Variants in CTNNA2 observed in about 807,000 individuals in gnomAD.
CTNNA2 encodes catenin alpha-2.
In CTNNA2, 42 loss-of-function variants were observed where a neutral mutation model predicts 101.0. The observed-to-expected ratio is 0.42, with a 90% CI of 0.32 to 0.54. The LOEUF (loss-of-function observed/expected upper bound fraction) is 0.54. CTNNA2 is among the 20% of genes least tolerant of loss of function. The pLI is 0.14. For missense variants in CTNNA2, 871 were observed against 1,223.1 expected, an observed-to-expected ratio of 0.71 and a Z score of 4.29; for synonymous variants, 450 against 456.4, an observed-to-expected ratio of 0.99 and a Z score of 0.18.
chr2:79,998,780 A>G (rs1197111205), intron 7 of CTNNA2, among the ~76,000 whole-genome samples: 3 of 152,284 alleles, frequency 2.0e-5, no homozygotes, highest in Middle Eastern at 3.4e-3. Context: ...ATTTATGCCT[A>G]TGGCCTTCTA....
At chr2:79,873,419 A>G (rs561904106) in intron 5 of CTNNA2, among the ~76,000 whole-genome samples, 3 of 152,222 alleles carry the variant, frequency 2.0e-5, no homozygotes, top group African/African-American at 4.8e-5. Context: ...ACGTTATAGA[A>G]GAGAAATATA....
At chr2:79,277,022 G>A (rs773423328) in intron 2 of CTNNA2, among the ~76,000 whole-genome samples, 1 of 152,000 alleles carries the variant, frequency 6.6e-6, no homozygotes, top group Non-Finnish European at 1.5e-5. Flanking sequence ...CCCATCCACC[G>A]AGTTTTTTGC....
intron 2 of CTNNA2, among the ~76,000 whole-genome samples, chr2:79,274,911 T>G (rs1675173713): frequency 6.6e-6 from 1 of 152,038 alleles, no homozygotes; most frequent in African/African-American, 2.4e-5. Context: ...AGCTGTTAAA[T>G]GCTCTTGAAT....
At chr2:79,882,524 GA>G (rs1683519598) in intron 6 of CTNNA2, among the ~76,000 whole-genome samples, 2 of 152,232 alleles carry the variant, frequency 1.3e-5, no homozygotes, top group South Asian at 4.1e-4. Flanking sequence ...GGGCTATGGG[GA>G]ACAAGTCTTG....
chr2:80,545,975 C>T lies in CTNNA2; in HGVS notation c.1452C>T (p.Val484=). ...QSKVAQDNMD[V]FKDQWEKQVR... is the part of the protein sequence containing the mutation. ...AAGTTGCTCAGGATAACATGGACGT[C>T]TTCAAAGACCAGTGGGAGAAGCAGG... Residue 484 remains valine (V), a synonymous_variant, in exon 11 of 19, where the codon GTC becomes GTT. Transcript: ENST00000402739. The T allele has an allele frequency of 6.2e-7, 1 of 1,614,120 alleles. No individual in the cohort carries two copies. The highest frequency in any genetic ancestry group is 1.3e-5 in the African/African-American group (1 of 75,048).
At chr2:79,781,130 G>A (rs6547280) in intron 3 of CTNNA2, among the ~76,000 whole-genome samples, 65,798 of 152,004 alleles carry the variant, frequency 0.43, 18,146 homozygotes, top group African/African-American at 0.77. Flanking sequence ...GCTCATTTTT[G>A]TGGTTGTTTC....
chr2:80,610,012 T>C (rs1355020444), intron 17 of CTNNA2, among the ~76,000 whole-genome samples: 1 of 151,804 alleles, frequency 6.6e-6, no homozygotes, highest in Admixed American at 6.6e-5. Flanking sequence ...AGAAGCCTGT[T>C]CCCTTCTTTG....
At position 79,596,536 on chromosome 2, in the gene CTNNA2, A is replaced by G. The variant is rs28409690; in HGVS notation, c.-5-55016A>G. 1.7e-3 allele frequency among the ~76,000 whole-genome samples: 266 copies of G among 152,332 alleles called. 4 individuals carry two copies. Among genetic ancestry groups the G allele is most frequent in the African/African-American group, 5.9e-3 (247 of 41,592 alleles). On this transcript the variant is annotated intron_variant, in intron 1 of 18. Coordinates refer to ENST00000402739, the MANE Select transcript of CTNNA2 (RefSeq NM_001282597.3). ...CAGTGCACCCAAGGAATGACCAGAC[A>G]GCAATGACAGTGGAAGGAAAAGGGC...
intron 7 of CTNNA2, among the ~76,000 whole-genome samples, chr2:80,374,530 A>G (rs926249194): frequency 2.0e-5 from 3 of 152,066 alleles, no homozygotes; most frequent in Non-Finnish European, 1.5e-5. Flanking sequence ...ACAGAAAACA[A>G]CAGAAATTTG....
intron 2 of CTNNA2, among the ~76,000 whole-genome samples, chr2:79,228,411 A>G (rs1316581862): frequency 6.6e-6 from 1 of 152,106 alleles, no homozygotes; most frequent in Non-Finnish European, 1.5e-5. Context: ...CCTTGCCAAC[A>G]CGTGTTGTTT....
chr2:80,420,337 CA>C (rs1188583129), intron 9 of CTNNA2, among the ~76,000 whole-genome samples: 1 of 151,880 alleles, frequency 6.6e-6, no homozygotes, highest in African/African-American at 2.4e-5. Flanking sequence ...AGTTGTTGCA[CA>C]ACAAAATATG....
At chr2:79,294,074 C>G (rs1324664211) in intron 2 of CTNNA2, among the ~76,000 whole-genome samples, 1 of 152,072 alleles carries the variant, frequency 6.6e-6, no homozygotes, top group Non-Finnish European at 1.5e-5. Flanking sequence ...AAATTTCTCT[C>G]TCATAGTCCT....
intron 2 of CTNNA2, among the ~76,000 whole-genome samples, chr2:79,233,221 T>A (rs1233572449): frequency 6.6e-6 from 1 of 152,210 alleles, no homozygotes; most frequent in Non-Finnish European, 1.5e-5. Flanking sequence ...TAACATTGTT[T>A]TAGCTGCATC....
rs147164385 is a variant in CTNNA2, at chr2:79,667,103, C to T, written c.102+15445C>T. 3.5e-3 allele frequency among the ~76,000 whole-genome samples: 530 copies of T among 152,298 alleles called. 11 individuals carry two copies. The East Asian group carries it at 0.047, about 14-fold the overall frequency. ...AAAGCTGGGTTCTTCAAAGTCATCG[C>T]TTGGATGACCAGAACTAACTTTGGT... On this transcript the variant is annotated intron_variant, in intron 2 of 18. Coordinates refer to ENST00000402739, the MANE Select transcript of CTNNA2 (RefSeq NM_001282597.3).
intron 4 of CTNNA2, among the ~76,000 whole-genome samples, chr2:79,427,240 G>A (rs1036505539): frequency 5.3e-5 from 8 of 151,956 alleles, no homozygotes; most frequent in African/African-American, 1.9e-4. Context: ...ACTATTTATT[G>A]CTCTGTATAA....
At chr2:79,986,852 C>T (rs1395167514) in intron 7 of CTNNA2, among the ~76,000 whole-genome samples, 3 of 152,162 alleles carry the variant, frequency 2.0e-5, no homozygotes, top group Non-Finnish European at 4.4e-5. Flanking sequence ...AAGCTACTTC[C>T]AGGGCCTCTG....
intron 1 of CTNNA2, among the ~76,000 whole-genome samples, chr2:79,528,162 G>A (rs551452093): frequency 6.6e-6 from 1 of 151,974 alleles, no homozygotes; most frequent in South Asian, 2.1e-4. Flanking sequence ...GAGAAGGGAG[G>A]AATGAAGAAT....
chr2:80,438,322 A>G (rs1377171804), intron 9 of CTNNA2, among the ~76,000 whole-genome samples: 2 of 152,098 alleles, frequency 1.3e-5, no homozygotes, highest in East Asian at 3.9e-4. Context: ...CTATCTCCTA[A>G]TACAATTATG....
At chr2:80,312,972 C>T (rs1382011020) in intron 7 of CTNNA2, among the ~76,000 whole-genome samples, 1 of 152,334 alleles carries the variant, frequency 6.6e-6, no homozygotes, top group African/African-American at 2.4e-5. Flanking sequence ...TAAACACTCT[C>T]ATTGAATTGA....
Sources: allele counts gnomAD v4.1 joint callset (sites outside exome capture counted in the v4.1 genomes callset), GRCh38; gene constraint gnomAD v4.1.1; transcripts MANE v1.5; gene names NCBI Gene and HGNC (gene_info 2026-07-23, HGNC 2026-07-21).